The following SH3KBP1 variants were observed in gnomAD, a reference collection of about 807,000 sequenced individuals.
The protein encoded by SH3KBP1 is SH3 domain containing kinase binding protein 1.
SH3KBP1 carries 8 observed loss-of-function variants against 50.1 expected under a neutral mutation model. The observed-to-expected ratio is 0.16, with a 90% CI of 0.09 to 0.29. SH3KBP1 has a LOEUF of 0.29. SH3KBP1 is among the 10% of genes least tolerant of loss of function. The pLI, the probability that SH3KBP1 is intolerant of heterozygous loss-of-function variation, is 1.00. For missense variants in SH3KBP1, 377 were observed against 535.2 expected, an observed-to-expected ratio of 0.70 and a Z score of 2.92; for synonymous variants, 227 against 218.6, an observed-to-expected ratio of 1.04 and a Z score of -0.34.
At chrX:19,836,657 C>T (rs758348333) in intron 1 of SH3KBP1, among the ~76,000 whole-genome samples, 4 of 111,801 alleles carry the variant, frequency 3.6e-5, no homozygotes, top group South Asian at 3.7e-4. Flanking sequence ...GTCTCCCATC[C>T]CCCGCCAATA....
chrX:19,867,387 C>T (rs2068939099), intron 1 of SH3KBP1, among the ~76,000 whole-genome samples: 1 of 111,616 alleles, frequency 9.0e-6, no homozygotes, highest in Non-Finnish European at 1.9e-5. Flanking sequence ...TTCCAGCAGA[C>T]CAAGTAAAAC....
chrX:19,572,487 A>G (rs1244587855), intron 12 of SH3KBP1, among the ~76,000 whole-genome samples: 5 of 106,179 alleles, frequency 4.7e-5, no homozygotes, highest in Non-Finnish European at 7.6e-5. Context: ...TAGTACATAT[A>G]TGTTATATAT....
intron 7 of SH3KBP1, among the ~76,000 whole-genome samples, chrX:19,638,088 A>C (rs1402773346): frequency 9.5e-6 from 1 of 105,006 alleles, no homozygotes; most frequent in African/African-American, 3.6e-5. Context: ...AAAACAAAAC[A>C]AAACAAAAAA....
rs1433885546 is a variant in SH3KBP1, at chrX:19,535,147, A to G, written c.*1270T>C. On this transcript the variant is annotated 3_prime_UTR_variant, in exon 18 of 18. Transcript: ENST00000397821. ...CAGCTAAGGATGAGAAAACAGTTAC[A>G]TAGTCTAAGGCTGAACTGTTCATGT... is the stretch of plus-strand genomic sequence containing the variant. 4 of 290,479 alleles carry G rather than the reference A, an allele frequency of 1.4e-5. No homozygotes were observed. Among genetic ancestry groups the G allele is most frequent in the Non-Finnish European group, 1.2e-5 (2 of 166,950 alleles). The allele number at this position is 290,479 out of a possible 1,213,427, so 23.9% of individuals were successfully genotyped here.
chrX:19,810,374 A>C (rs965208186), intron 2 of SH3KBP1, among the ~76,000 whole-genome samples: 3 of 112,736 alleles, frequency 2.7e-5, no homozygotes, highest in Admixed American at 9.4e-5. Context: ...TGAAGACAGG[A>C]CTAAATTTGT....
chrX:19,879,294 C>A (rs1459758474), intron 1 of SH3KBP1, among the ~76,000 whole-genome samples: 1 of 111,703 alleles, frequency 9.0e-6, no homozygotes, highest in Admixed American at 9.5e-5. Context: ...GTAGCAAGAG[C>A]CTCACGAGGG....
intron 14 of SH3KBP1, 40 bp from the exon 15 acceptor site, chrX:19,546,090 C>T: frequency 2.5e-6 from 3 of 1,193,143 alleles, no homozygotes; most frequent in Non-Finnish European, 3.4e-6. Context: ...CAGAATTACA[C>T]CTTAGCTGAC....
At chrX:19,554,321 A>G (rs1460010632) in intron 13 of SH3KBP1, among the ~76,000 whole-genome samples, 8 of 91,346 alleles carry the variant, frequency 8.8e-5, no homozygotes, top group African/African-American at 3.4e-4. Context: ...TATACATCAT[A>G]TTAAAATATA....
At chrX:19,733,983 C>G (rs906787220) in intron 3 of SH3KBP1, among the ~76,000 whole-genome samples, 2 of 112,164 alleles carry the variant, frequency 1.8e-5, no homozygotes, top group Admixed American at 1.9e-4. Context: ...TATACACACA[C>G]TTTTGTCCAG....
chrX:19,661,835 C>T (rs980818401), intron 6 of SH3KBP1, among the ~76,000 whole-genome samples: 9 of 110,976 alleles, frequency 8.1e-5, no homozygotes. Context: ...CCATGTTGGC[C>T]AGGCTGGTCT....
intron 2 of SH3KBP1, among the ~76,000 whole-genome samples, chrX:19,760,682 C>T (rs768665931): frequency 9.0e-6 from 1 of 111,091 alleles, no homozygotes; most frequent in African/African-American, 3.3e-5. Context: ...TCTGATACCA[C>T]TGAGAGCGTA....
intron 1 of SH3KBP1, among the ~76,000 whole-genome samples, chrX:19,874,543 G>A (rs1309612359): frequency 9.8e-6 from 1 of 101,801 alleles, no homozygotes; most frequent in African/African-American, 3.6e-5. Context: ...AGGAAGTGTG[G>A]AGAAGGGGGC....
intron 3 of SH3KBP1, among the ~76,000 whole-genome samples, chrX:19,728,607 T>G (rs1259257137): frequency 8.9e-6 from 1 of 112,544 alleles, no homozygotes; most frequent in Admixed American, 9.4e-5. Context: ...ACTTGATTTG[T>G]TCAACAAATG....
chrX:19,746,204 C>A, intron 3 of SH3KBP1, 114 bp downstream of exon 3: 1 of 939,256 alleles, frequency 1.1e-6, no homozygotes, highest in South Asian at 2.3e-5. Flanking sequence ...TACCAAAAAC[C>A]AAAAGGACAA....
chrX:19,600,667 T>G (rs757446609), intron 9 of SH3KBP1, among the ~76,000 whole-genome samples: 1 of 111,575 alleles, frequency 9.0e-6, no homozygotes, highest in East Asian at 2.8e-4. Flanking sequence ...AGTAATAAGA[T>G]ATTAACCAGC....
At chrX:19,655,992 T>C (rs1023199450) in intron 6 of SH3KBP1, among the ~76,000 whole-genome samples, 1 of 111,247 alleles carries the variant, frequency 9.0e-6, no homozygotes, top group African/African-American at 3.3e-5. Context: ...TTCTAAAGGA[T>C]GGGTAAAATT....
intron 1 of SH3KBP1, among the ~76,000 whole-genome samples, chrX:19,874,068 A>AATATATATATATATATAT (rs1412019430): frequency 3.5e-5 from 2 of 57,033 alleles, no homozygotes; most frequent in African/African-American, 3.2e-4. Context: ...AAAAAAAAAA[A>AATATATATATATATATAT]ATATATATAT....
At chrX:19,752,674 G>T in intron 2 of SH3KBP1, among the ~76,000 whole-genome samples, 1 of 112,283 alleles carries the variant, frequency 8.9e-6, no homozygotes, top group Middle Eastern at 4.6e-3. Flanking sequence ...AATATTCATT[G>T]AACTGTACTT....
chrX:19,641,798 A>T (rs1380874461), intron 7 of SH3KBP1, among the ~76,000 whole-genome samples: 1 of 111,822 alleles, frequency 8.9e-6, no homozygotes, highest in East Asian at 2.8e-4. Flanking sequence ...ATACAGGTAT[A>T]TGTACACTTG....
Sources: allele counts gnomAD v4.1 joint callset (sites outside exome capture counted in the v4.1 genomes callset), GRCh38; gene constraint gnomAD v4.1.1; transcripts MANE v1.5; gene names NCBI Gene and HGNC (gene_info 2026-07-23, HGNC 2026-07-21).